The following COL24A1 variants were observed in gnomAD, a reference collection of about 807,000 sequenced individuals.
COL24A1 encodes collagen type XXIV alpha 1 chain, also known as collagen alpha-1(XXIV) chain.
A neutral mutation model predicts 253.9 loss-of-function variants in COL24A1; 224 were observed. That is an observed-to-expected ratio of 0.88 (90% CI 0.79 to 0.99). The LOEUF (loss-of-function observed/expected upper bound fraction) is 0.99. Among genes scored for constraint, COL24A1 ranks in the 50% least tolerant of loss-of-function variants. The pLI is 0.00. For synonymous variants in COL24A1, 685 were observed against 673.7 expected, an observed-to-expected ratio of 1.02 and a Z score of -0.26; for missense variants, 2,131 against 2,068.5, an observed-to-expected ratio of 1.03 and a Z score of -0.59.
chr1:85,813,719 T>A (rs1672802240), intron 47 of COL24A1, among the ~76,000 whole-genome samples: 1 of 150,736 alleles, frequency 6.6e-6, no homozygotes, highest in Admixed American at 6.6e-5. Flanking sequence ...CCCGGCTAAT[T>A]TTTTTGTATT....
In COL24A1 at chr1:85,847,716, T is replaced by C. The variant is rs762542477; in HGVS notation, c.3411A>G (p.Gly1137=). ...TGEVGSRGPP[G]KIGKSGPKGA... is the part of the protein sequence containing the mutation. ...CCTTAGGACCACTTTTCCCAATTTT[T>C]CCAGGAGGACCTCTGCTTCCAACTT... is the stretch of plus-strand genomic sequence containing the variant. Residue 1137 remains glycine (G), a synonymous_variant, in exon 39 of 60, where the codon GGA becomes GGG. Transcript: ENST00000370571. 7 of 1,613,902 alleles carry C rather than the reference T, an allele frequency of 4.3e-6. No individual in the cohort carries two copies. In the East Asian group the frequency reaches 1.1e-4, roughly 26 times the overall value.
chr1:86,001,976 C>T (rs753837098), intron 19 of COL24A1, among the ~76,000 whole-genome samples: 1 of 152,232 alleles, frequency 6.6e-6, no homozygotes, highest in African/African-American at 2.4e-5. Flanking sequence ...ATATTGACTT[C>T]TTGACTATAA....
At chr1:85,855,298 C>G (rs930402115) in intron 37 of COL24A1, among the ~76,000 whole-genome samples, 1 of 151,904 alleles carries the variant, frequency 6.6e-6, no homozygotes, top group Non-Finnish European at 1.5e-5. Flanking sequence ...TTCCATCTCT[C>G]AAGGGGAATG....
chr1:86,128,117 T>C (rs1447249999), intron 2 of COL24A1, among the ~76,000 whole-genome samples: 1 of 151,988 alleles, frequency 6.6e-6, no homozygotes, highest in African/African-American at 2.4e-5. Flanking sequence ...AGGCCCCACA[T>C]AATCAACAAA....
intron 12 of COL24A1, among the ~76,000 whole-genome samples, chr1:86,046,187 A>G (rs1457457496): frequency 1.3e-5 from 2 of 152,136 alleles, no homozygotes; most frequent in Non-Finnish European, 2.9e-5. Context: ...GGTACACAAA[A>G]TTTTAGAAAA....
chr1:85,902,467 GTA>G (rs1265785866), intron 28 of COL24A1, among the ~76,000 whole-genome samples: 1 of 152,146 alleles, frequency 6.6e-6, no homozygotes, highest in Non-Finnish European at 1.5e-5. Context: ...TTTCTCAAAT[GTA>G]TCACTCTTTG....
At chr1:85,833,184 C>A (rs1283773271) in intron 43 of COL24A1, among the ~76,000 whole-genome samples, 1 of 152,012 alleles carries the variant, frequency 6.6e-6, no homozygotes, top group Non-Finnish European at 1.5e-5. Context: ...GAACAGGCAA[C>A]CTACAAAATG....
At chr1:85,990,806 TACA>T (rs1206876028) in intron 19 of COL24A1, among the ~76,000 whole-genome samples, 2 of 152,182 alleles carry the variant, frequency 1.3e-5, no homozygotes, top group Non-Finnish European at 2.9e-5. Flanking sequence ...TTCATAATGA[TACA>T]ACAACAAAAA....
intron 20 of COL24A1, among the ~76,000 whole-genome samples, chr1:85,987,324 T>C (rs1693802459): frequency 1.3e-5 from 2 of 151,834 alleles, no homozygotes; most frequent in African/African-American, 4.8e-5. Context: ...TTCAGCCTTT[T>C]ATACGCTATG....
chr1:85,880,732 T>TG (rs1379088583), intron 32 of COL24A1, among the ~76,000 whole-genome samples: 2 of 151,786 alleles, frequency 1.3e-5, no homozygotes, highest in Non-Finnish European at 2.9e-5. Flanking sequence ...GAGTTTTTTT[T>TG]TTATCTTGAA....
intron 24 of COL24A1, among the ~76,000 whole-genome samples, chr1:85,922,854 T>C (rs182176666): frequency 6.6e-6 from 1 of 152,178 alleles, no homozygotes; most frequent in Admixed American, 6.5e-5. Flanking sequence ...AATGCCCCAA[T>C]TAAAAGACAC....
chr1:85,769,137 T>C (rs760600081), intron 53 of COL24A1, among the ~76,000 whole-genome samples: 2 of 152,202 alleles, frequency 1.3e-5, no homozygotes, highest in Non-Finnish European at 2.9e-5. Context: ...ACCTCAATTT[T>C]GTCTAATTCA....
intron 22 of COL24A1, among the ~76,000 whole-genome samples, chr1:85,966,479 C>T (rs1327477048): frequency 2.0e-5 from 3 of 152,014 alleles, no homozygotes; most frequent in African/African-American, 4.8e-5. Context: ...TATTTAAAGT[C>T]CTAGGGTGGA....
intron 12 of COL24A1, among the ~76,000 whole-genome samples, chr1:86,039,777 T>C (rs1389395845): frequency 6.6e-6 from 1 of 152,174 alleles, no homozygotes; most frequent in Non-Finnish European, 1.5e-5. Flanking sequence ...GAATACATAT[T>C]ACCAGGAAAT....
intron 43 of COL24A1, among the ~76,000 whole-genome samples, chr1:85,828,495 G>T (rs1188013974): frequency 6.6e-6 from 1 of 150,994 alleles, no homozygotes; most frequent in African/African-American, 2.4e-5. Flanking sequence ...TTTCTGTCTC[G>T]TTGATCTGTC....
intron 2 of COL24A1, among the ~76,000 whole-genome samples, chr1:86,131,044 T>C (rs1649096327): frequency 6.6e-6 from 1 of 151,992 alleles, no homozygotes; most frequent in Non-Finnish European, 1.5e-5. Flanking sequence ...ATAAAATTCT[T>C]TCATGATACT....
intron 46 of COL24A1, 42 bp from the exon 47 acceptor site, chr1:85,816,937 A>G (rs976500424): frequency 1.5e-6 from 2 of 1,331,442 alleles, no homozygotes; most frequent in Admixed American, 1.8e-5. Context: ...GATGCTGAAA[A>G]GATGTTAAGA....
At chr1:86,149,173 G>A (rs1305131161) in intron 1 of COL24A1, among the ~76,000 whole-genome samples, 1 of 152,130 alleles carries the variant, frequency 6.6e-6, no homozygotes, top group African/African-American at 2.4e-5. Flanking sequence ...GGGATTACAG[G>A]CATGAGCCAC....
chr1:85,812,559 A>C (rs1001411118), intron 47 of COL24A1, among the ~76,000 whole-genome samples: 6 of 152,182 alleles, frequency 3.9e-5, no homozygotes, highest in African/African-American at 1.4e-4. Flanking sequence ...ACTGGCTAAG[A>C]GTTTGGCCAG....
Sources: gnomAD v4.1 joint callset for allele counts (sites outside exome capture counted in the v4.1 genomes callset) on GRCh38, gnomAD v4.1.1 for gene constraint, MANE v1.5 for transcripts, NCBI Gene and HGNC (gene_info 2026-07-23, HGNC 2026-07-21) for gene names.